Variants in SND1 observed in about 807,000 individuals in gnomAD.
SND1 encodes staphylococcal nuclease and tudor domain containing 1.
Under a neutral mutation model 121.7 loss-of-function variants are expected in SND1, and 38 were observed. The observed-to-expected ratio is 0.31, with a 90% CI of 0.24 to 0.41. The LOEUF (loss-of-function observed/expected upper bound fraction) is 0.41. SND1 is among the 10% of genes least tolerant of loss of function. The pLI, the probability that SND1 is intolerant of heterozygous loss-of-function variation, is 1.00. For missense variants in SND1, 868 were observed against 1,184.6 expected (o/e 0.73, Z 3.92); for synonymous variants, 401 against 447.4 (o/e 0.90, Z 1.31).
At chr7:127,771,686 A>G (rs1797515334) in intron 10 of SND1, among the ~76,000 whole-genome samples, 1 of 152,212 alleles carries the variant, frequency 6.6e-6, no homozygotes, top group Admixed American at 6.5e-5. Context: ...ATTTGAGATG[A>G]AACTTAGTCA....
At chr7:127,940,395 C>G (rs1801168089) in intron 15 of SND1, among the ~76,000 whole-genome samples, 1 of 152,208 alleles carries the variant, frequency 6.6e-6, no homozygotes, top group Non-Finnish European at 1.5e-5. Flanking sequence ...CTCACCAGAA[C>G]TCCAGCCCTG....
At chr7:127,810,629 C>G (rs1291931287) in intron 11 of SND1, among the ~76,000 whole-genome samples, 1 of 152,182 alleles carries the variant, frequency 6.6e-6, no homozygotes, top group African/African-American at 2.4e-5. Context: ...CTTCTGATAG[C>G]AGGAGCAATC....
chr7:127,917,893 A>G (rs2116793669), intron 14 of SND1, among the ~76,000 whole-genome samples: 1 of 152,286 alleles, frequency 6.6e-6, no homozygotes. Flanking sequence ...CATCAATAAT[A>G]TTTATTTGTT....
intron 12 of SND1, among the ~76,000 whole-genome samples, chr7:127,886,848 G>C (rs1354180680): frequency 1.6e-4 from 2 of 12,372 alleles, no homozygotes; most frequent in Admixed American, 7.1e-4. Context: ...TCTTATTCTG[G>C]CAAAAAAAAA....
At chr7:127,737,886 A>C (rs1277693821) in intron 10 of SND1, among the ~76,000 whole-genome samples, 1 of 152,200 alleles carries the variant, frequency 6.6e-6, no homozygotes, top group Admixed American at 6.5e-5. Flanking sequence ...ACTTTAAGGC[A>C]AGAGGGCAGC....
intron 1 of SND1, among the ~76,000 whole-genome samples, chr7:127,676,661 A>G (rs1387780437): frequency 6.6e-6 from 1 of 152,248 alleles, no homozygotes; most frequent in Non-Finnish European, 1.5e-5. Context: ...TGATAAATCA[A>G]GGGAATTAGA....
chr7:127,750,918 A>C (rs1328077652), intron 10 of SND1, among the ~76,000 whole-genome samples: 1 of 152,218 alleles, frequency 6.6e-6, no homozygotes, highest in East Asian at 1.9e-4. Flanking sequence ...CTAGTGTAAA[A>C]TAAATGTTTC....
intron 12 of SND1, among the ~76,000 whole-genome samples, chr7:127,861,702 C>T (rs1402542427): frequency 6.6e-6 from 1 of 152,158 alleles, no homozygotes. Flanking sequence ...GGATCCTGAC[C>T]TTAGGTGATC....
At chr7:127,810,805 A>G (rs1357403379) in intron 11 of SND1, among the ~76,000 whole-genome samples, 1 of 152,222 alleles carries the variant, frequency 6.6e-6, no homozygotes, top group East Asian at 1.9e-4. Flanking sequence ...TGGTTTATCC[A>G]TGTGATACAG....
chr7:127,929,161 T>A, intron 14 of SND1, 27 bp from the exon 15 acceptor site: 2 of 1,612,026 alleles, frequency 1.2e-6, no homozygotes, highest in South Asian at 1.1e-5. Context: ...TACTTTCCAG[T>A]TACTCTTTTC....
At chr7:127,778,334 A>G (rs1797657887) in intron 10 of SND1, among the ~76,000 whole-genome samples, 1 of 152,106 alleles carries the variant, frequency 6.6e-6, no homozygotes, top group African/African-American at 2.4e-5. Flanking sequence ...AGCTGGGAGC[A>G]CTACAGGCGC....
At chr7:127,777,648 C>T (rs1310378873) in intron 10 of SND1, among the ~76,000 whole-genome samples, 1 of 152,080 alleles carries the variant, frequency 6.6e-6, no homozygotes, top group Non-Finnish European at 1.5e-5. Context: ...GGAAAGTATG[C>T]AAAGGGAAAA....
intron 10 of SND1, among the ~76,000 whole-genome samples, chr7:127,737,467 T>G (rs1488858826): frequency 6.6e-6 from 1 of 152,048 alleles, no homozygotes; most frequent in Non-Finnish European, 1.5e-5. Context: ...CCTAGCTACT[T>G]GGGAGGCTGA....
chr7:127,993,846 G>A (rs935703844), intron 16 of SND1, among the ~76,000 whole-genome samples: 1 of 152,210 alleles, frequency 6.6e-6, no homozygotes, highest in African/African-American at 2.4e-5. Flanking sequence ...CTGGGCCCCT[G>A]TGTGATCCGA....
intron 15 of SND1, among the ~76,000 whole-genome samples, chr7:127,983,450 G>A (rs1445442413): frequency 6.6e-6 from 1 of 152,058 alleles, no homozygotes; most frequent in African/African-American, 2.4e-5. Context: ...GGGTCTTAAA[G>A]ACTAGAAAGG....
chr7:127,658,249 A>T (rs1249694784), intron 1 of SND1, among the ~76,000 whole-genome samples: 4 of 152,140 alleles, frequency 2.6e-5, no homozygotes, highest in Non-Finnish European at 5.9e-5. Flanking sequence ...TGGGAGGTGG[A>T]GGTTGCAGTG....
intron 12 of SND1, among the ~76,000 whole-genome samples, chr7:127,867,832 A>G (rs1161665302): frequency 6.6e-6 from 1 of 151,900 alleles, no homozygotes; most frequent in Admixed American, 6.6e-5. Context: ...ATACTGAGCC[A>G]TGACCTGGCC....
chr7:127,886,196 A>G lies in SND1; in HGVS notation c.1344-1706A>G, dbSNP rs377169919. Among the ~76,000 whole-genome samples, 10 of 152,188 alleles carry G rather than the reference A, an allele frequency of 6.6e-5. No individual in the cohort carries two copies. In the East Asian group the frequency reaches 1.9e-3, roughly 29 times the overall value. ...ATTCCGTGGCAGTTTGGAGATATTAATACCGTGCTGGCAGTAGATAAACAG... is the reference window on the plus strand; with the variant it reads ...ATTCCGTGGCAGTTTGGAGATATTAGTACCGTGCTGGCAGTAGATAAACAG... On this transcript the variant is annotated intron_variant, in intron 12 of 23. Coordinates refer to ENST00000354725, the MANE Select transcript of SND1 (RefSeq NM_014390.4).
At chr7:127,687,539 G>C (rs181609741) in intron 2 of SND1, among the ~76,000 whole-genome samples, 1 of 152,150 alleles carries the variant, frequency 6.6e-6, no homozygotes, top group Admixed American at 6.5e-5. Context: ...CCATTGTTTA[G>C]TTCCCACTTA....
Sources: gnomAD v4.1 joint callset for allele counts (sites outside exome capture counted in the v4.1 genomes callset) on GRCh38, gnomAD v4.1.1 for gene constraint, MANE v1.5 for transcripts, NCBI Gene and HGNC (gene_info 2026-07-23, HGNC 2026-07-21) for gene names.